ZNF544: variants seen among roughly 807,000 people sequenced by gnomAD.
The protein encoded by ZNF544 is zinc finger protein 544, also known as zinc finger protein AF020591.
Under a neutral mutation model 13.5 loss-of-function variants are expected in ZNF544, and 10 were observed. That is an observed-to-expected ratio of 0.74 (90% CI 0.46 to 1.25). The LOEUF is 1.25. ZNF544 is among the 50% of genes most tolerant of loss of function. The probability of loss-of-function intolerance (pLI) is 0.00; values close to 1 mark genes in which losing one functional copy is unlikely to be tolerated. For missense variants in ZNF544, 896 were observed against 845.6 expected (o/e 1.06, Z -0.74); for synonymous variants, 323 against 300.5 (o/e 1.07, Z -0.77).
intron 6 of ZNF544, chr19:58,251,213 A>G: frequency 4.6e-6 from 2 of 439,046 alleles, no homozygotes; most frequent in Non-Finnish European, 4.6e-6. Flanking sequence ...AAGTATAACA[A>G]TGGCTACTAT....
chr19:58,244,665 T>C (rs1480127061), intron 4 of ZNF544, among the ~76,000 whole-genome samples: 1 of 148,772 alleles, frequency 6.7e-6, no homozygotes, highest in African/African-American at 2.5e-5. Flanking sequence ...AGCCTTGAAC[T>C]CCTGGGCTCA....
In ZNF544 at chr19:58,262,096, G is replaced by T; in HGVS notation, c.1490G>T (p.Cys497Phe). 6.2e-7 allele frequency: 1 copy of T among 1,611,692 alleles called. No individual in the cohort carries two copies. Among genetic ancestry groups the T allele is most frequent in the South Asian group, 1.1e-5 (1 of 90,980 alleles). The change falls in exon 7 of 7, where the codon TGT becomes TTT. Residue 497 changes from cysteine to phenylalanine, a missense_variant. Transcript: ENST00000687789. Reference sequence around the variant, plus strand: ...GAAAAACCCTTCAAATGTACTCAGTGTGGGAAATCTTTCAGCCAGAAGTAT... The same window carrying T: ...GAAAAACCCTTCAAATGTACTCAGTTTGGGAAATCTTTCAGCCAGAAGTAT... Reference protein sequence around the residue: ...TGEKPFKCTQCGKSFSQKYDL... With the variant: ...TGEKPFKCTQFGKSFSQKYDL...
At chr19:58,241,273 A>C (rs1044275989) in intron 3 of ZNF544, among the ~76,000 whole-genome samples, 1 of 138,414 alleles carries the variant, frequency 7.2e-6, no homozygotes, top group South Asian at 2.2e-4. Flanking sequence ...TGGCCTCCCA[A>C]AATGTTGGGA....
At position 58,236,320 on chromosome 19, in the gene ZNF544, A is replaced by G. The variant is rs568298337; in HGVS notation, c.-60+5858A>G. Among the ~76,000 whole-genome samples, 44 of 151,906 alleles carry G rather than the reference A, an allele frequency of 2.9e-4. No individual in the cohort carries two copies. In the South Asian group the frequency reaches 6.5e-3, roughly 22 times the overall value. Reference sequence around the variant, plus strand: ...TTCAAGACCAGCCTAACCAACATGGAGAAACCCCGTCTCTGCTTAAAATAC... The same window carrying G: ...TTCAAGACCAGCCTAACCAACATGGGGAAACCCCGTCTCTGCTTAAAATAC... On this transcript the variant is annotated intron_variant, in intron 3 of 6. Coordinates refer to ENST00000687789, the MANE Select transcript of ZNF544 (RefSeq NM_014480.4).
intron 3 of ZNF544, among the ~76,000 whole-genome samples, chr19:58,236,566 T>C (rs1003634488): frequency 1.3e-5 from 2 of 151,150 alleles, no homozygotes; most frequent in African/African-American, 4.9e-5. Context: ...TTGAGATATA[T>C]ACTTATAGGA....
At chr19:58,277,213 ACAGGGC>A (rs1400452790) in exon 7 of ZNF544, 4 of 1,229,686 alleles carry the variant, frequency 3.3e-6, no homozygotes, top group Non-Finnish European at 4.0e-6. Context: ...CAGAGACGGT[ACAGGGC>A]CAGAAGGATC....
intron 6 of ZNF544, among the ~76,000 whole-genome samples, chr19:58,255,437 C>T (rs892610130): frequency 6.6e-6 from 1 of 152,280 alleles, no homozygotes; most frequent in South Asian, 2.1e-4. Context: ...CCTTGGCCTC[C>T]CAAAGTGCAG....
In ZNF544 at chr19:58,273,462, G is replaced by A. The variant is rs1028401604; in HGVS notation, c.245-2861G>A. Among the ~76,000 whole-genome samples, 3 of 152,200 alleles carry A rather than the reference G, an allele frequency of 2.0e-5. No individual in the cohort carries two copies. In the East Asian group the frequency reaches 5.9e-4, roughly 30 times the overall value. ...TCCCAGCACTTTGGGAGGCCAAGGTGGGCGGATCACCAGGTCAGGAGATAG... is the reference window on the plus strand; with the variant it reads ...TCCCAGCACTTTGGGAGGCCAAGGTAGGCGGATCACCAGGTCAGGAGATAG... On this transcript the variant is annotated intron_variant, in intron 5 of 6. Coordinates refer to the ZNF544 transcript ENST00000595981.
At chr19:58,254,039 A>C (rs1462849481) in intron 6 of ZNF544, among the ~76,000 whole-genome samples, 1 of 152,214 alleles carries the variant, frequency 6.6e-6, no homozygotes, top group East Asian at 1.9e-4. Flanking sequence ...CCTGGCTAAC[A>C]TGGTGAAACC....
chr19:58,274,600 C>A (rs574462706), intron 5 of ZNF544, among the ~76,000 whole-genome samples: 1 of 152,308 alleles, frequency 6.6e-6, no homozygotes, highest in South Asian at 2.1e-4. Context: ...GTTTAAGCCA[C>A]CCCATTTGTG....
chr19:58,235,074 TC>T (rs756179812), intron 3 of ZNF544, among the ~76,000 whole-genome samples: 19 of 152,230 alleles, frequency 1.2e-4, no homozygotes, highest in Non-Finnish European at 2.4e-4. Flanking sequence ...GGGGATATGT[TC>T]CGAAATGTGT....
At chr19:58,250,721 A>G (rs1568480975) in intron 6 of ZNF544, among the ~76,000 whole-genome samples, 1 of 152,188 alleles carries the variant, frequency 6.6e-6, no homozygotes, top group Non-Finnish European at 1.5e-5. Context: ...AACCCCAGAA[A>G]GGGTACTCTG....
In ZNF544 at chr19:58,262,492, A is replaced by C; in HGVS notation, c.1886A>C (p.Glu629Ala). 1 of 1,614,204 alleles carries C rather than the reference A, an allele frequency of 6.2e-7. No homozygotes were observed. The highest frequency in any genetic ancestry group is 8.5e-7 in the Non-Finnish European group (1 of 1,180,036). ...AGGCATCTGCAAATTCACACTGGGG[A>C]GAAGCCGTACAAATGCAATCAGTGC... The part of the protein sequence containing the change: ...LIRHLQIHTG[E>A]KPYKCNQCNK... Residue 629 changes from glutamate to alanine, a missense_variant, in exon 7 of 7, where the codon GAG becomes GCG. By Grantham distance (107) the Glu-to-Ala change is moderately radical (BLOSUM62 -1). Coordinates refer to ENST00000687789, the MANE Select transcript of ZNF544 (RefSeq NM_014480.4).
intron 6 of ZNF544, among the ~76,000 whole-genome samples, chr19:58,250,765 C>G (rs1388412992): frequency 6.6e-6 from 1 of 152,146 alleles, no homozygotes; most frequent in Non-Finnish European, 1.5e-5. Flanking sequence ...CTTGTCCTGT[C>G]ATCGTAGTTC....
chr19:58,231,207 C>G (rs550328792), intron 3 of ZNF544, among the ~76,000 whole-genome samples: 66 of 151,036 alleles, frequency 4.4e-4, no homozygotes, highest in African/African-American at 1.5e-3. Flanking sequence ...TTGGGCTGGG[C>G]TGGGGTGGGG....
At chr19:58,269,882 C>T (rs1299320151) in intron 5 of ZNF544, among the ~76,000 whole-genome samples, 1 of 152,214 alleles carries the variant, frequency 6.6e-6, no homozygotes, top group Admixed American at 6.5e-5. Flanking sequence ...GATCATGCCA[C>T]TGGACTCCAG....
In ZNF544 at chr19:58,261,078, G is replaced by A. The variant is rs199683658; in HGVS notation, c.472G>A (p.Glu158Lys). The A allele has an allele frequency of 1.7e-4, 270 of 1,614,042 alleles. 1 individual carries two copies. Among genetic ancestry groups the A allele is most frequent in the Admixed American group, 1.7e-4 (10 of 60,002 alleles). Residue 158 changes from glutamate (E) to lysine (K), a missense_variant, in exon 7 of 7, where the codon GAG becomes AAG. Coordinates refer to ENST00000687789, the MANE Select transcript of ZNF544 (RefSeq NM_014480.4). ...ACTGTTTGCTCAAAGGGAACATTGT[G>A]AGCTTGAACTTGGGGGAGGTTATTC... ...ERLFAQREHCELELGGGYSLP... is the reference protein window; with the variant it reads ...ERLFAQREHCKLELGGGYSLP...
rs557312006 is a variant in ZNF544, at chr19:58,262,628, CCTT to C, written c.2026_2028del (p.Leu676del). ...GGAAAGCCTTTTCAGGGAGCTCTAA[CCTT>C]CTTTCCCATCACAGAATTCATTCTG... On this transcript the variant is annotated inframe_deletion, in exon 7 of 7. Coordinates refer to ENST00000687789, the MANE Select transcript of ZNF544 (RefSeq NM_014480.4). The C allele has an allele frequency of 6.1e-5, 99 of 1,614,060 alleles. No individual in the cohort carries two copies. The highest frequency in any genetic ancestry group is 1.1e-4 in the East Asian group (5 of 44,888).
At chr19:58,238,906 A>G (rs185323484) in intron 3 of ZNF544, among the ~76,000 whole-genome samples, 4 of 152,088 alleles carry the variant, frequency 2.6e-5, no homozygotes, top group African/African-American at 9.6e-5. Flanking sequence ...TCAGCATGCA[A>G]AGGGACAGGC....
Sources: gnomAD v4.1 joint callset for allele counts (sites outside exome capture counted in the v4.1 genomes callset) on GRCh38, gnomAD v4.1.1 for gene constraint, MANE v1.5 for transcripts, NCBI Gene and HGNC (gene_info 2026-07-23, HGNC 2026-07-21) for gene names.